LINGO1: variants seen among roughly 807,000 people sequenced by gnomAD.
LINGO1 encodes leucine-rich repeat and immunoglobulin-like domain-containing nogo receptor-interacting protein 1.
Under a neutral mutation model 37.3 loss-of-function variants are expected in LINGO1, and 11 were observed. The observed-to-expected ratio is 0.29, with a 90% CI of 0.19 to 0.49. LINGO1 has a LOEUF of 0.49. Ranked by LOEUF, LINGO1 falls within the 20% of genes least tolerant of loss-of-function variation. The pLI is 0.99. For missense variants in LINGO1, 585 were observed against 878.2 expected (o/e 0.67, Z 4.22); for synonymous variants, 387 against 403.0 (o/e 0.96, Z 0.48).
At chr15:77,765,338 C>T (rs1419390923) in intron 1 of LINGO1, among the ~76,000 whole-genome samples, 1 of 152,058 alleles carries the variant, frequency 6.6e-6, no homozygotes, top group Non-Finnish European at 1.5e-5. Context: ...TCGCTTGAAC[C>T]CAGGAGGTCG....
In LINGO1 at chr15:77,615,880, C is replaced by A; in HGVS notation, c.27G>T (p.Ala9=). Residue 9 remains alanine (A), a synonymous_variant, in exon 2 of 2, where the codon GCG becomes GCT. Coordinates refer to ENST00000355300, the MANE Select transcript of LINGO1 (RefSeq NM_032808.7). ...GGCTGGGCATGCTCCTCACGCCCCC[C>A]GCCAGCATCCTCTTGCTCACCTGCA... MQVSKRML[A]GGVRSMPSPL... is the part of the protein sequence containing the mutation. 6.8e-7 allele frequency: 1 copy of A among 1,470,796 alleles called. No homozygotes were observed. The highest frequency in any genetic ancestry group is 1.4e-5 in the South Asian group (1 of 71,522). 91.1% of individuals were successfully genotyped at this position (1,470,796 alleles called of 1,614,324 possible). A position where few individuals can be genotyped will look rare whatever the true frequency, so the allele number is the denominator to read the frequency against.
At chr15:77,749,364 T>A (rs1335778479) in intron 1 of LINGO1, among the ~76,000 whole-genome samples, 1 of 152,166 alleles carries the variant, frequency 6.6e-6, no homozygotes, top group Admixed American at 6.5e-5. Flanking sequence ...GTGGGCCCAG[T>A]GAGTACTCAG....
At chr15:77,635,623 C>A (rs957378813), upstream of LINGO1, among the ~76,000 whole-genome samples, 1 of 145,678 alleles carries the variant, frequency 6.9e-6, no homozygotes, top group Non-Finnish European at 1.5e-5. Context: ...GCACCCCAGG[C>A]CTTTGTGCCT....
rs549629437 is a variant in LINGO1 at position 77,758,251 on chromosome 15, C to G, written c.-256-23198G>C. Among the ~76,000 whole-genome samples, 15 of 152,250 alleles carry G rather than the reference C, an allele frequency of 9.9e-5. No homozygotes were observed. In the South Asian group the frequency reaches 3.1e-3, roughly 32 times the overall value. On this transcript the variant is annotated intron_variant, in intron 1 of 3. Coordinates refer to the LINGO1 transcript ENST00000561686. ...TCCCACCATGCATCTGGGCCTGTCT[C>G]TGAAATAAAATCAATGCAACAAGTA...
rs1000002354 is a variant in LINGO1 at position 77,615,381 on chromosome 15, C to T, written c.526G>A (p.Asp176Asn). 6.8e-6 allele frequency: 11 copies of T among 1,613,852 alleles called. No homozygotes were observed. Among genetic ancestry groups the T allele is most frequent in the East Asian group, 2.2e-5 (1 of 44,898 alleles). ...LYNLKSLEVG[D>N]NDLVYISHRA... ...TGAGAGATGTAGACGAGGTCATTGT[C>T]GCCAACCTCCAGTGACTTGAGGTTG... The change falls in exon 2 of 2, where the codon GAC becomes AAC. Residue 176 changes from aspartate to asparagine, a missense_variant. Physicochemically the swap from Asp to Asn is conservative, Grantham distance 23 (BLOSUM62 1). Transcript: ENST00000355300.
intron 1 of LINGO1, among the ~76,000 whole-genome samples, chr15:77,751,228 C>T (rs1009258089): frequency 3.9e-5 from 6 of 152,180 alleles, no homozygotes; most frequent in African/African-American, 1.4e-4. Flanking sequence ...CTTCCTTCTC[C>T]GTAAAATGGG....
intron 2 of LINGO1, among the ~76,000 whole-genome samples, chr15:77,705,685 T>A (rs1444493885): frequency 6.6e-6 from 1 of 152,206 alleles, no homozygotes; most frequent in African/African-American, 2.4e-5. Flanking sequence ...ATTTTTTACT[T>A]CTTCTCAGGC....
chr15:77,646,184 AAT>A lies in LINGO1; in HGVS notation c.-12-30286_-12-30285del, dbSNP rs766154832. 2.0e-5 allele frequency among the ~76,000 whole-genome samples: 3 copies of A among 152,224 alleles called. No individual in the cohort carries two copies. In the East Asian group the frequency reaches 5.8e-4, roughly 29 times the overall value. The stretch of plus-strand genomic sequence containing the variant: ...CCTTCTAGGCCTAGTAAAGTAGTAA[AAT>A]AGTCAGTAAAGGCACCAATTGTCCC... On this transcript the variant is annotated intron_variant, in intron 3 of 3. Coordinates refer to the LINGO1 transcript ENST00000559893.
intron 1 of LINGO1, among the ~76,000 whole-genome samples, chr15:77,750,829 C>T (rs2076363803): frequency 6.6e-6 from 1 of 152,220 alleles, no homozygotes; most frequent in African/African-American, 2.4e-5. Context: ...ATTAGGTGAG[C>T]CCCTACTACG....
At chr15:77,718,131 G>A (rs1430379584) in intron 2 of LINGO1, among the ~76,000 whole-genome samples, 1 of 150,804 alleles carries the variant, frequency 6.6e-6, no homozygotes, top group Non-Finnish European at 1.5e-5. Flanking sequence ...TCACATCACT[G>A]ACTCGCTACC....
At chr15:77,656,702 G>C (rs568099404) in intron 3 of LINGO1, among the ~76,000 whole-genome samples, 1 of 152,310 alleles carries the variant, frequency 6.6e-6, no homozygotes, top group African/African-American at 2.4e-5. Flanking sequence ...TATGTGGGGT[G>C]ATATTCAGAA....
chr15:77,667,820 T>G (rs1303867019), intron 3 of LINGO1: 1 of 152,036 alleles, frequency 6.6e-6, no homozygotes, highest in African/African-American at 2.4e-5. Flanking sequence ...CGAAGATGAG[T>G]GATGACAGAA....
chr15:77,760,589 C>A (rs1372371608), intron 1 of LINGO1, among the ~76,000 whole-genome samples: 1 of 152,208 alleles, frequency 6.6e-6, no homozygotes, highest in Non-Finnish European at 1.5e-5. Context: ...TCCAGTTATC[C>A]ACGGTCCTTA....
At chr15:77,820,015 G>A (rs961316402) in intron 1 of LINGO1, 11 of 152,218 alleles carry the variant, frequency 7.2e-5, no homozygotes, top group Non-Finnish European at 1.2e-4. Context: ...CCTCCCCACC[G>A]CCCTGCGCTG....
chr15:77,654,447 G>A (rs369164083), intron 3 of LINGO1, among the ~76,000 whole-genome samples: 2 of 152,278 alleles, frequency 1.3e-5, no homozygotes, highest in East Asian at 3.9e-4. Context: ...TCTTCCCTAA[G>A]TAGAGGGGTC....
intron 1 of LINGO1, among the ~76,000 whole-genome samples, chr15:77,765,966 C>T (rs1200264440): frequency 6.6e-6 from 1 of 152,106 alleles, no homozygotes; most frequent in Non-Finnish European, 1.5e-5. Context: ...GATGTCAGCT[C>T]CACCAGCTCA....
chr15:77,698,988 GA>G (rs1289644686), upstream of LINGO1, among the ~76,000 whole-genome samples: 1 of 152,122 alleles, frequency 6.6e-6, no homozygotes, highest in East Asian at 1.9e-4. Flanking sequence ...GGAGCCGAGA[GA>G]AGGAAGACCT....
intron 2 of LINGO1, among the ~76,000 whole-genome samples, chr15:77,711,936 G>A (rs1320777604): frequency 6.6e-6 from 1 of 152,120 alleles, no homozygotes; most frequent in African/African-American, 2.4e-5. Flanking sequence ...GCCAGGGCAG[G>A]CTGATGTGCT....
intron 1 of LINGO1, among the ~76,000 whole-genome samples, chr15:77,747,783 C>T (rs894171491): frequency 5.3e-5 from 8 of 152,186 alleles, no homozygotes; most frequent in African/African-American, 1.7e-4. Context: ...AACATCGTTC[C>T]GCTGGGGTTC....
Sources: gnomAD v4.1 joint callset for allele counts (sites outside exome capture counted in the v4.1 genomes callset) on GRCh38, gnomAD v4.1.1 for gene constraint, MANE v1.5 for transcripts, NCBI Gene and HGNC (gene_info 2026-07-23, HGNC 2026-07-21) for gene names.